The following TGS1 variants were observed in gnomAD, a reference collection of about 807,000 sequenced individuals.
The protein encoded by TGS1 is trimethylguanosine synthase 1.
In TGS1, 69 loss-of-function variants were observed where a neutral mutation model predicts 92.2. That is an observed-to-expected ratio of 0.75 (90% CI 0.62 to 0.91). The LOEUF (loss-of-function observed/expected upper bound fraction) is 0.91, where lower values mean the gene tolerates loss of function less well. TGS1 is among the 40% of genes least tolerant of loss of function. The probability of loss-of-function intolerance (pLI) is 0.00; values close to 1 mark genes in which losing one functional copy is unlikely to be tolerated. For missense variants in TGS1, 1,062 were observed against 1,001.2 expected (o/e 1.06, Z -0.82); for synonymous variants, 345 against 338.1 (o/e 1.02, Z -0.22).
intron 8 of TGS1, among the ~76,000 whole-genome samples, chr8:55,802,047 A>G (rs914669407): frequency 4.6e-5 from 7 of 152,152 alleles, no homozygotes; most frequent in Non-Finnish European, 7.4e-5. Flanking sequence ...CAAAAAAATT[A>G]GCCGGGCGTG....
At chr8:55,812,171 C>G (rs987282692) in intron 11 of TGS1, among the ~76,000 whole-genome samples, 2 of 151,984 alleles carry the variant, frequency 1.3e-5, no homozygotes, top group African/African-American at 4.8e-5. Context: ...CGCCACCTGC[C>G]TCTCCACCGT....
chr8:55,791,962 TC>T (rs1811899647), intron 5 of TGS1, among the ~76,000 whole-genome samples: 1 of 152,164 alleles, frequency 6.6e-6, no homozygotes, highest in South Asian at 2.1e-4. Context: ...TATGGGGTGC[TC>T]CACGTAAGAC....
At chr8:55,801,721 T>TG (rs1269744174) in intron 8 of TGS1, among the ~76,000 whole-genome samples, 1 of 150,360 alleles carries the variant, frequency 6.7e-6, no homozygotes, top group African/African-American at 2.4e-5. Flanking sequence ...CCCAAGTAGC[T>TG]GGGATTACAG....
chr8:55,789,342 C>T (rs1811809574), intron 4 of TGS1, among the ~76,000 whole-genome samples: 1 of 152,194 alleles, frequency 6.6e-6, no homozygotes, highest in Non-Finnish European at 1.5e-5. Flanking sequence ...TTGTTACTCT[C>T]ATTATTAATG....
chr8:55,822,306 G>A (rs757757302), intron 12 of TGS1, among the ~76,000 whole-genome samples: 3 of 151,976 alleles, frequency 2.0e-5, no homozygotes, highest in South Asian at 2.1e-4. Context: ...TCCTGACCTC[G>A]TGATCCACCC....
intron 9 of TGS1, among the ~76,000 whole-genome samples, chr8:55,803,664 C>G (rs1164139541): frequency 2.0e-5 from 3 of 150,162 alleles, no homozygotes; most frequent in African/African-American, 7.3e-5. Context: ...ATTTATTTTT[C>G]TTTTCTTTTC....
In TGS1 at chr8:55,778,471, C is replaced by T. The variant is rs192491650; in HGVS notation, c.102-4277C>T. On this transcript the variant is annotated intron_variant, in intron 1 of 12. Coordinates refer to ENST00000260129, the MANE Select transcript of TGS1 (RefSeq NM_024831.8). ...AGACACTTTAACATTAATATAGATT[C>T]GTGGAGATAGAGGACTATTCTGGAA... 2.0e-3 allele frequency among the ~76,000 whole-genome samples: 308 copies of T among 152,248 alleles called. 1 individual carries two copies. Among genetic ancestry groups the T allele is most frequent in the African/African-American group, 6.9e-3 (286 of 41,546 alleles).
In TGS1 at chr8:55,826,431, C is replaced by G. The variant is rs981053005; in HGVS notation, c.*1728C>G. 1.3e-5 allele frequency among the ~76,000 whole-genome samples: 2 copies of G among 152,274 alleles called. No individual in the cohort carries two copies. Among genetic ancestry groups the G allele is most frequent in the African/African-American group, 4.8e-5 (2 of 41,524 alleles). On this transcript the variant is annotated 3_prime_UTR_variant, in exon 13 of 13. Transcript: ENST00000260129. ...AAAACTAATAGACTGTTAAGATTGT[C>G]AGTACTCAATAGGATTTAAGAAGTG...
chr8:55,790,750 C>T (rs2084631), intron 5 of TGS1, among the ~76,000 whole-genome samples: 9,533 of 152,152 alleles, frequency 0.063, 726 homozygotes, highest in East Asian at 0.2. Context: ...AACTTCTGGC[C>T]TCAAGCGATC....
chr8:55,785,929 G>T, intron 3 of TGS1, 38 bp downstream of exon 3: 1 of 1,511,726 alleles, frequency 6.6e-7, no homozygotes, highest in South Asian at 1.2e-5. Context: ...CTCTCTCTTC[G>T]TTTTCTTTAT....
intron 2 of TGS1, among the ~76,000 whole-genome samples, chr8:55,784,656 G>A (rs1486954306): frequency 1.3e-5 from 2 of 152,184 alleles, no homozygotes; most frequent in Non-Finnish European, 2.9e-5. Flanking sequence ...TGTTAAATCA[G>A]CTCTTCCACA....
Position 55,790,290 on chromosome 8 carries a change from T to C in TGS1, c.1271T>C (p.Leu424Pro), listed in dbSNP as rs1256418462. Residue 424 changes from leucine to proline, a missense_variant, in exon 5 of 13, where the codon CTG becomes CCG. Transcript: ENST00000260129. ...EDPPEHKPSK[L>P]KRSHELDIDE... ...CCACCTGAGCATAAGCCAAGCAAAC[T>C]GAAGAGGAGGTAAGTTACATGAGAC... 14 of 1,612,210 alleles carry C rather than the reference T, an allele frequency of 8.7e-6. No individual in the cohort carries two copies. Among genetic ancestry groups the C allele is most frequent in the Middle Eastern group, 1.7e-4 (1 of 6,058 alleles).
intron 12 of TGS1, among the ~76,000 whole-genome samples, chr8:55,822,437 A>C (rs1803672522): frequency 6.6e-6 from 1 of 152,132 alleles, no homozygotes; most frequent in African/African-American, 2.4e-5. Context: ...GTTATTTGTT[A>C]AAGGGCACAG....
chr8:55,776,404 C>G lies in TGS1; in HGVS notation c.101+2685C>G, dbSNP rs1585750090. On this transcript the variant is annotated intron_variant, in intron 1 of 12. Coordinates refer to ENST00000260129, the MANE Select transcript of TGS1 (RefSeq NM_024831.8). ...CACGCCATTCTCCTGCCTCAGCCCA[C>G]CAAGTAGCTGGGAATACAGGCGCCC... Among the ~76,000 whole-genome samples, 4 of 151,870 alleles carry G rather than the reference C, an allele frequency of 2.6e-5. No individual in the cohort carries two copies. The South Asian group carries it at 8.3e-4, about 32-fold the overall frequency.
rs762413129 is a variant in TGS1, at chr8:55,799,085, A to G, written c.1714A>G (p.Lys572Glu). ...LLETNNPEPE[K>E]CQSVSSAGEL... ...GGAGACTAATAATCCAGAACCTGAA[A>G]AGTGTCAGAGCGTATCTTCAGCTGG... The change falls in exon 8 of 13, where the codon AAG becomes GAG. Residue 572 changes from lysine (K) to glutamate (E), a missense_variant. Transcript: ENST00000260129. 15 of 1,614,046 alleles carry G rather than the reference A, an allele frequency of 9.3e-6. No individual in the cohort carries two copies. In the Admixed American group the frequency reaches 1.0e-4, roughly 11 times the overall value.
chr8:55,773,624 C>G lies in TGS1; in HGVS notation c.6C>G (p.Cys2Trp). M[C>W]CEKWSRVAEM... Reference sequence around the variant, plus strand: ...GCTGCCTCCGAAGTGGTAAAATGTGCTGCGAGAAGTGGAGCCGCGTGGCGG... The same window carrying G: ...GCTGCCTCCGAAGTGGTAAAATGTGGTGCGAGAAGTGGAGCCGCGTGGCGG... The change falls in exon 1 of 13, where the codon TGC becomes TGG. Residue 2 changes from cysteine to tryptophan, a missense_variant. By Grantham distance (215) the Cys-to-Trp change is radical. Coordinates refer to ENST00000260129, the MANE Select transcript of TGS1 (RefSeq NM_024831.8). 2 of 1,610,294 alleles carry G rather than the reference C, an allele frequency of 1.2e-6. No individual in the cohort carries two copies. Among genetic ancestry groups the G allele is most frequent in the Non-Finnish European group, 1.7e-6 (2 of 1,178,494 alleles).
chr8:55,786,308 T>C lies in TGS1; in HGVS notation c.410T>C (p.Ile137Thr), dbSNP rs1405608949. The C allele has an allele frequency of 6.3e-7, 1 of 1,584,482 alleles. No homozygotes were observed. Among genetic ancestry groups the C allele is most frequent in the Admixed American group, 1.8e-5 (1 of 56,046 alleles). Residue 137 changes from isoleucine (I) to threonine (T), a missense_variant, in exon 4 of 13, where the codon ATT (isoleucine) becomes ACT (threonine). Coordinates refer to ENST00000260129, the MANE Select transcript of TGS1 (RefSeq NM_024831.8). Reference sequence around the variant, plus strand: ...CATCAAAAGAAATACTTAGATGAAATTGTGCAAGAATCTTGGAGAAAAGAA... The same window carrying C: ...CATCAAAAGAAATACTTAGATGAAACTGTGCAAGAATCTTGGAGAAAAGAA... ...KKHQKKYLDE[I>T]VQESWRKEYE...
Position 55,799,038 on chromosome 8 carries a change from T to G in TGS1, c.1667T>G (p.Val556Gly). The G allele has an allele frequency of 1.2e-6, 2 of 1,614,170 alleles. No individual in the cohort carries two copies. The highest frequency in any genetic ancestry group is 1.7e-6 in the Non-Finnish European group (2 of 1,180,030). ...GATTCAGAGGAACAAGACATGTCTG[T>G]TAAAAAAGGTGATGACCTACTGGAG... is the stretch of plus-strand genomic sequence containing the variant. ...SSDSEEQDMSVKKGDDLLETN... is the reference protein window; with the variant it reads ...SSDSEEQDMSGKKGDDLLETN... The change falls in exon 8 of 13, where the codon GTT becomes GGT. Residue 556 changes from valine (V) to glycine (G), a missense_variant. Transcript: ENST00000260129.
At chr8:55,791,483 C>G (rs1015697628) in intron 5 of TGS1, among the ~76,000 whole-genome samples, 1 of 152,314 alleles carries the variant, frequency 6.6e-6, no homozygotes, top group South Asian at 2.1e-4. Flanking sequence ...TTGTGCCACT[C>G]CTGAAGCAGT....
Sources: allele counts gnomAD v4.1 joint callset (sites outside exome capture counted in the v4.1 genomes callset), GRCh38; gene constraint gnomAD v4.1.1; transcripts MANE v1.5; gene names NCBI Gene and HGNC (gene_info 2026-07-23, HGNC 2026-07-21).